Variants in MAX observed in about 807,000 individuals in gnomAD.
The protein encoded by MAX is protein max.
A neutral mutation model predicts 22.3 loss-of-function variants in MAX; 3 were observed. The ratio of observed to expected loss-of-function variants is 0.13; its 90% CI spans 0.06 to 0.35. MAX has a LOEUF of 0.35. Among genes scored for constraint, MAX ranks in the 10% least tolerant of loss-of-function variants. MAX has a pLI of 1.00. For missense variants in MAX, 119 were observed against 209.4 expected (o/e 0.57, Z 2.66); for synonymous variants, 72 against 77.7 (o/e 0.93, Z 0.39).
In MAX at chr14:65,044,250, T is replaced by C. The variant is rs1334388798; in HGVS notation, c.172-37966A>G. The C allele has an allele frequency of 8.1e-6, 13 of 1,607,302 alleles. No individual in the cohort carries two copies. In the Admixed American group the frequency reaches 2.2e-4, roughly 27 times the overall value. On this transcript the variant is annotated intron_variant, in intron 3 of 3. Transcript: ENST00000341653. The surrounding 1 kb of genome is among the most constrained non-coding windows in gnomAD (Gnocchi z 5.5). Reference sequence around the variant, plus strand: ...CCCACAGATTGACTCCTGGAGATTCTGTCGGGCTGGATTTTGTCTCTTTTA... The same window carrying C: ...CCCACAGATTGACTCCTGGAGATTCCGTCGGGCTGGATTTTGTCTCTTTTA...
Position 65,040,744 on chromosome 14 carries a change from G to A in MAX, c.172-34460C>T, listed in dbSNP as rs763790962. On this transcript the variant is annotated intron_variant, in intron 3 of 3. Coordinates refer to the MAX transcript ENST00000341653. The stretch of plus-strand genomic sequence containing the variant: ...CTAGGATGGTCCTGGTCTTGTGTAC[G>A]TCCACTCACTGGCCACTCATTCTGC... 9 of 1,594,848 alleles carry A rather than the reference G, an allele frequency of 5.6e-6. No individual in the cohort carries two copies. In the African/African-American group the frequency reaches 6.7e-5, roughly 12 times the overall value.
downstream of MAX, chr14:65,075,011 C>T (rs1445644682): frequency 1.0e-5 from 10 of 975,162 alleles, no homozygotes; most frequent in Middle Eastern, 5.0e-4. The surrounding 1 kb of genome is among the most constrained non-coding windows in gnomAD (Gnocchi z 4.1). Context: ...TCTGCAAGAC[C>T]GGGTAAGCCA....
rs200217078 is a variant in MAX at position 65,078,199 on chromosome 14, ATTTATTTT to A, written c.172-171_172-164del. Among the ~76,000 whole-genome samples the A allele has an allele frequency of 0.012, 1,833 of 151,654 alleles. 14 individuals are homozygous for A. Among genetic ancestry groups the A allele is most frequent in the Middle Eastern group, 0.017 (5 of 292 alleles). On this transcript the variant is annotated intron_variant, in intron 3 of 4. Coordinates refer to ENST00000358664, the MANE Select transcript of MAX (RefSeq NM_002382.5). This position sits in a 1 kb window ranked among gnomAD's most constrained non-coding sequence, Gnocchi z 6.4. ...TGGCTACTGTAGGCTTTATTTATTT[ATTTATTTT>A]TTTATTTTTTTGAGACAGAGTTTCG... is the stretch of plus-strand genomic sequence containing the variant.
At chr14:65,042,323 G>T (rs1170995101) in intron 3 of MAX, among the ~76,000 whole-genome samples, 2 of 152,130 alleles carry the variant, frequency 1.3e-5, no homozygotes, top group African/African-American at 2.4e-5. Context: ...ATCAGTGAGA[G>T]CCCTGAGCTT....
At chr14:65,043,322 G>A (rs1020750182) in intron 3 of MAX, among the ~76,000 whole-genome samples, 15 of 152,172 alleles carry the variant, frequency 9.9e-5, no homozygotes, top group Non-Finnish European at 8.8e-5. Context: ...GTGTGTGACC[G>A]CTGAGTGACA....
rs757474346 is a variant in MAX at position 65,012,384 on chromosome 14, T to C, written c.172-6100A>G. ...AGGCCTTCGACAACTGACAGATGCCTATGAGGTAAACACATTACCCAGGAA... is the reference window on the plus strand; with the variant it reads ...AGGCCTTCGACAACTGACAGATGCCCATGAGGTAAACACATTACCCAGGAA... On this transcript the variant is annotated intron_variant, in intron 3 of 3. Coordinates refer to the MAX transcript ENST00000341653. This position sits in a 1 kb window ranked among gnomAD's most constrained non-coding sequence, Gnocchi z 5.0. The C allele has an allele frequency of 6.2e-7, 1 of 1,614,170 alleles. No homozygotes were observed. Among genetic ancestry groups the C allele is most frequent in the Non-Finnish European group, 8.5e-7 (1 of 1,179,972 alleles).
At chr14:65,074,325 A>AT (rs140678782), downstream of MAX, among the ~76,000 whole-genome samples, 64 of 152,224 alleles carry the variant, frequency 4.2e-4, no homozygotes, top group African/African-American at 1.5e-3. Context: ...CTTTCCCAGC[A>AT]TTTTTCTTTT....
Position 65,007,654 on chromosome 14 carries a change from C to A in MAX, c.172-1370G>T, listed in dbSNP as rs972427677. 6.6e-6 allele frequency among the ~76,000 whole-genome samples: 1 copy of A among 152,150 alleles called. No individual in the cohort carries two copies. The highest frequency in any genetic ancestry group is 2.4e-5 in the African/African-American group (1 of 41,432). ...AGTCCCAAGGAGCTTTTTGACCATGCTTTTCATGGTTTTGTTTATTCATGT... is the reference window on the plus strand; with the variant it reads ...AGTCCCAAGGAGCTTTTTGACCATGATTTTCATGGTTTTGTTTATTCATGT... On this transcript the variant is annotated intron_variant, in intron 3 of 3. Transcript: ENST00000341653. The surrounding 1 kb of genome is among the most constrained non-coding windows in gnomAD (Gnocchi z 4.9).
At chr14:65,043,746 C>T (rs573149770) in intron 3 of MAX, among the ~76,000 whole-genome samples, 6 of 140,638 alleles carry the variant, frequency 4.3e-5, no homozygotes, top group East Asian at 2.2e-4. Context: ...GGCGTGAACC[C>T]GGGAAGCGGA....
At chr14:65,034,665 C>G (rs1349852408) in intron 3 of MAX, among the ~76,000 whole-genome samples, 1 of 152,176 alleles carries the variant, frequency 6.6e-6, no homozygotes, top group Non-Finnish European at 1.5e-5. Flanking sequence ...TTTTGTGTTT[C>G]TCAGCTGAGA....
Position 65,082,545 on chromosome 14 carries a change from C to T in MAX, c.172-4509G>A, listed in dbSNP as rs987031404. On this transcript the variant is annotated intron_variant, in intron 3 of 4. Coordinates refer to ENST00000358664, the MANE Select transcript of MAX (RefSeq NM_002382.5). This position sits in a 1 kb window ranked among gnomAD's most constrained non-coding sequence, Gnocchi z 4.8. ...CTGGGAGGCTGAGGTGGGAGGATCA[C>T]TAGGGCTCAGGTGTTGGGGACCAGC... 2.0e-5 allele frequency among the ~76,000 whole-genome samples: 3 copies of T among 152,142 alleles called. No individual in the cohort carries two copies. The highest frequency in any genetic ancestry group is 7.2e-5 in the African/African-American group (3 of 41,420).
chr14:65,070,141 G>A (rs950478199), downstream of MAX, among the ~76,000 whole-genome samples: 1 of 152,158 alleles, frequency 6.6e-6, no homozygotes, highest in Non-Finnish European at 1.5e-5. The surrounding 1 kb of genome is among the most constrained non-coding windows in gnomAD (Gnocchi z 4.4). Flanking sequence ...GTTATTTTTT[G>A]AATCAGACTT....
chr14:65,087,168 G>A (rs1282336440), intron 3 of MAX, among the ~76,000 whole-genome samples: 1 of 152,222 alleles, frequency 6.6e-6, no homozygotes, highest in East Asian at 1.9e-4. Context: ...ACACCTGTAT[G>A]TCCAGGGAGA....
intron 3 of MAX, among the ~76,000 whole-genome samples, chr14:65,034,667 C>T (rs1322104225): frequency 6.6e-6 from 1 of 152,178 alleles, no homozygotes; most frequent in Non-Finnish European, 1.5e-5. Context: ...TTGTGTTTCT[C>T]AGCTGAGATT....
intron 3 of MAX, among the ~76,000 whole-genome samples, chr14:65,024,189 A>G (rs1487734038): frequency 2.0e-5 from 3 of 152,074 alleles, no homozygotes; most frequent in Non-Finnish European, 1.5e-5. Flanking sequence ...GGTAATTTCT[A>G]TGCAACTCAA....
rs369252718 is a variant in MAX, at chr14:65,009,548, G to A, written c.172-3264C>T. 1.3e-5 allele frequency among the ~76,000 whole-genome samples: 2 copies of A among 151,964 alleles called. No homozygotes were observed. The highest frequency in any genetic ancestry group is 4.8e-5 in the African/African-American group (2 of 41,422). On this transcript the variant is annotated intron_variant, in intron 3 of 3. Coordinates refer to the MAX transcript ENST00000341653. This position sits in a 1 kb window ranked among gnomAD's most constrained non-coding sequence, Gnocchi z 4.2. ...GCTAGCTTCGTACCCATCATTTCTC[G>A]CTCAAAGAATGCAGCATCCTTCCTT...
At chr14:65,039,299 G>T (rs917967777) in intron 3 of MAX, among the ~76,000 whole-genome samples, 5 of 152,188 alleles carry the variant, frequency 3.3e-5, no homozygotes, top group African/African-American at 1.2e-4. Flanking sequence ...CAGAGGAATG[G>T]GGCTGGGGGT....
chr14:65,032,831 T>A lies in MAX; in HGVS notation c.172-26547A>T, dbSNP rs1468941665. Reference sequence around the variant, plus strand: ...CAGGAGATCCATTAGGGTTATCTAATGATTTTTTTAAATACTTAAAATGTC... The same window carrying A: ...CAGGAGATCCATTAGGGTTATCTAAAGATTTTTTTAAATACTTAAAATGTC... On this transcript the variant is annotated intron_variant, in intron 3 of 3. Transcript: ENST00000341653. The surrounding 1 kb of genome is among the most constrained non-coding windows in gnomAD (Gnocchi z 5.0). 2.8e-6 allele frequency: 2 copies of A among 716,354 alleles called. No individual in the cohort carries two copies. The highest frequency in any genetic ancestry group is 4.1e-6 in the Non-Finnish European group (2 of 485,960). The allele number at this position is 716,354 out of a possible 1,614,324, so 44.4% of individuals were successfully genotyped here.
At position 65,062,629 on chromosome 14, in the gene MAX, A is replaced by G. The variant is rs2062885881; in HGVS notation, c.171+31079T>C. 6.6e-6 allele frequency: 1 copy of G among 152,648 alleles called. No homozygotes were observed. 9.5% of individuals were successfully genotyped at this position (152,648 alleles called of 1,614,324 possible). On this transcript the variant is annotated intron_variant, in intron 3 of 3. Coordinates refer to the MAX transcript ENST00000341653. The surrounding 1 kb of genome is among the most constrained non-coding windows in gnomAD (Gnocchi z 4.3). ...TTGGGCTATGTATTACCTCCTTGAA[A>G]TAATAAAAGAATAACATTTTCTATG...
Sources: gnomAD v4.1 joint callset for allele counts (sites outside exome capture counted in the v4.1 genomes callset) on GRCh38, gnomAD v4.1.1 for gene constraint, Gnocchi (gnomAD v3.1) non-coding constraint, MANE v1.5 for transcripts, NCBI Gene and HGNC (gene_info 2026-07-23, HGNC 2026-07-21) for gene names.